The following ACVR1C variants were observed in gnomAD, a reference collection of about 807,000 sequenced individuals.
The protein encoded by ACVR1C is activin receptor type-1C.
Under a neutral mutation model 57.9 loss-of-function variants are expected in ACVR1C, and 23 were observed. That is an observed-to-expected ratio of 0.40 (90% CI 0.29 to 0.56). The LOEUF (loss-of-function observed/expected upper bound fraction) is 0.56. Ranked by LOEUF, ACVR1C falls within the 20% of genes least tolerant of loss-of-function variation. The probability of loss-of-function intolerance (pLI) is 0.50; values close to 1 mark genes in which losing one functional copy is unlikely to be tolerated. For synonymous variants in ACVR1C, 214 were observed against 215.3 expected, an observed-to-expected ratio of 0.99 and a Z score of 0.05; for missense variants, 480 against 607.9, an observed-to-expected ratio of 0.79 and a Z score of 2.21.
chr2:157,596,719 C>T (rs1403725571), intron 1 of ACVR1C, among the ~76,000 whole-genome samples: 1 of 152,146 alleles, frequency 6.6e-6, no homozygotes, highest in Non-Finnish European at 1.5e-5. Context: ...ATATACAAAT[C>T]TCCTTGACAG....
intron 3 of ACVR1C, among the ~76,000 whole-genome samples, chr2:157,554,054 A>G (rs774431691): frequency 2.0e-5 from 3 of 151,138 alleles, no homozygotes; most frequent in Non-Finnish European, 4.4e-5. Flanking sequence ...GTAGTGGGGC[A>G]CACCTGTAAT....
chr2:157,621,712 T>C (rs1177090233), intron 1 of ACVR1C, among the ~76,000 whole-genome samples: 2 of 152,174 alleles, frequency 1.3e-5, no homozygotes, highest in African/African-American at 4.8e-5. Flanking sequence ...CTGGAACTCC[T>C]GCCAGTTTCC....
intron 2 of ACVR1C, among the ~76,000 whole-genome samples, chr2:157,561,481 C>T (rs910388996): frequency 1.3e-5 from 2 of 152,120 alleles, no homozygotes; most frequent in Non-Finnish European, 2.9e-5. Context: ...TCCATCCATC[C>T]CTATAAACCT....
chr2:157,589,890 C>A (rs796891952), intron 1 of ACVR1C, among the ~76,000 whole-genome samples: 21 of 151,896 alleles, frequency 1.4e-4, no homozygotes, highest in African/African-American at 5.1e-4. Context: ...TACTTACAAC[C>A]AACTGATCTC....
intron 3 of ACVR1C, among the ~76,000 whole-genome samples, chr2:157,552,033 A>G (rs1687936253): frequency 6.6e-6 from 1 of 152,238 alleles, no homozygotes; most frequent in Non-Finnish European, 1.5e-5. Context: ...TTATGCTGCT[A>G]GTGAGAGGCA....
intron 7 of ACVR1C, among the ~76,000 whole-genome samples, chr2:157,539,917 T>C (rs188779411): frequency 1.3e-5 from 2 of 152,376 alleles, no homozygotes; most frequent in African/African-American, 4.8e-5. Context: ...CATTCAGACA[T>C]AATTTTAACC....
intron 1 of ACVR1C, among the ~76,000 whole-genome samples, chr2:157,590,781 G>A (rs1406543915): frequency 6.6e-6 from 1 of 151,880 alleles, no homozygotes; most frequent in Non-Finnish European, 1.5e-5. Context: ...TCATATCATG[G>A]GCAAGCATTC....
At chr2:157,609,944 C>T (rs932129467) in intron 1 of ACVR1C, among the ~76,000 whole-genome samples, 1 of 151,914 alleles carries the variant, frequency 6.6e-6, no homozygotes, top group South Asian at 2.1e-4. Flanking sequence ...AGAATTTAAT[C>T]CATTTCTATT....
intron 1 of ACVR1C, among the ~76,000 whole-genome samples, chr2:157,626,542 T>C (rs907212433): frequency 2.6e-5 from 4 of 152,230 alleles, no homozygotes; most frequent in Non-Finnish European, 5.9e-5. Flanking sequence ...CAACTTCTCA[T>C]ATAACATTCC....
chr2:157,558,274 C>A (rs1688150271), intron 2 of ACVR1C, among the ~76,000 whole-genome samples: 1 of 152,176 alleles, frequency 6.6e-6, no homozygotes, highest in African/African-American at 2.4e-5. Flanking sequence ...GACACCAGCA[C>A]CTTAGCATCT....
rs553820067 is a variant in ACVR1C, at chr2:157,564,466, C to T, written c.305-8134G>A. Among the ~76,000 whole-genome samples, 26 of 152,130 alleles carry T rather than the reference C, an allele frequency of 1.7e-4. No individual in the cohort carries two copies. The South Asian group carries it at 2.9e-3, about 17-fold the overall frequency. On this transcript the variant is annotated intron_variant, in intron 2 of 8. Transcript: ENST00000243349. Reference sequence around the variant, plus strand: ...GAAGTCAAGAAACAATAGATGCTGGCGAGACTGTGGAGAAATCGGAACACT... The same window carrying T: ...GAAGTCAAGAAACAATAGATGCTGGTGAGACTGTGGAGAAATCGGAACACT...
chr2:157,527,714 A>G lies in ACVR1C; in HGVS notation c.*6204T>C, dbSNP rs971758824. The stretch of plus-strand genomic sequence containing the variant: ...GCTCAGATACTCTCATTTTGTATAA[A>G]GAGAAAAAAAGGGCTGTGTCCTTAA... On this transcript the variant is annotated 3_prime_UTR_variant, in exon 9 of 9. Transcript: ENST00000243349. 1 of 152,222 alleles carries G rather than the reference A, an allele frequency of 6.6e-6. No individual in the cohort carries two copies. The highest frequency in any genetic ancestry group is 1.5e-5 in the Non-Finnish European group (1 of 68,038). 9.4% of individuals were successfully genotyped at this position (152,222 alleles called of 1,614,324 possible). A position where few individuals can be genotyped will look rare whatever the true frequency, so the allele number is the denominator to read the frequency against.
intron 1 of ACVR1C, among the ~76,000 whole-genome samples, chr2:157,624,978 A>G (rs897655819): frequency 6.6e-6 from 1 of 152,218 alleles, no homozygotes; most frequent in Non-Finnish European, 1.5e-5. Context: ...TCAATCTAAC[A>G]AGGTATTCTC....
intron 1 of ACVR1C, among the ~76,000 whole-genome samples, chr2:157,619,732 G>C (rs889808211): frequency 6.6e-6 from 1 of 151,784 alleles, no homozygotes; most frequent in Non-Finnish European, 1.5e-5. Context: ...TAAAGAAAGC[G>C]GATGAAGAAA....
At position 157,532,977 on chromosome 2, in the gene ACVR1C, C is replaced by G. The variant is rs983564019; in HGVS notation, c.*941G>C. Reference sequence around the variant, plus strand: ...TTCAGAAAACATTAATGCTCATTAACAAATGGGGTAACCATGATATTTCTA... The same window carrying G: ...TTCAGAAAACATTAATGCTCATTAAGAAATGGGGTAACCATGATATTTCTA... On this transcript the variant is annotated 3_prime_UTR_variant, in exon 9 of 9. Transcript: ENST00000243349. The G allele has an allele frequency of 6.6e-6, 1 of 152,126 alleles. No homozygotes were observed. The highest frequency in any genetic ancestry group is 1.5e-5 in the Non-Finnish European group (1 of 68,020). The allele number at this position is 152,126 out of a possible 1,614,324, so 9.4% of individuals were successfully genotyped here. A position where few individuals can be genotyped will look rare whatever the true frequency, so the allele number is the denominator to read the frequency against.
At chr2:157,577,895 T>C (rs1456008331) in intron 2 of ACVR1C, among the ~76,000 whole-genome samples, 1 of 152,100 alleles carries the variant, frequency 6.6e-6, no homozygotes. Context: ...TTGTTTTTGT[T>C]TTGGAAACAG....
chr2:157,580,772 C>T (rs182379621), intron 2 of ACVR1C, among the ~76,000 whole-genome samples: 3 of 151,780 alleles, frequency 2.0e-5, no homozygotes, highest in Non-Finnish European at 4.4e-5. Context: ...CACTGTATCA[C>T]GAGGCTGGGA....
intron 4 of ACVR1C, among the ~76,000 whole-genome samples, chr2:157,549,607 G>C (rs1485181192): frequency 6.6e-6 from 1 of 152,076 alleles, no homozygotes; most frequent in Non-Finnish European, 1.5e-5. Context: ...CATTTGCCCT[G>C]CTTCATTGTA....
At position 157,628,569 on chromosome 2, in the gene ACVR1C, T is replaced by C; in HGVS notation, c.73+3A>G. Reference sequence around the variant, plus strand: ...GGCGTCGGGAGAGAAACCAGCACCGTACCTGGCGAGAGCTCGGCGGCCGCT... The same window carrying C: ...GGCGTCGGGAGAGAAACCAGCACCGCACCTGGCGAGAGCTCGGCGGCCGCT... On this transcript the variant is annotated splice_donor_region_variant and intron_variant, in intron 1 of 8. Coordinates refer to ENST00000243349, the MANE Select transcript of ACVR1C (RefSeq NM_145259.3). The C allele has an allele frequency of 4.4e-6, 7 of 1,607,016 alleles. No individual in the cohort carries two copies. Among genetic ancestry groups the C allele is most frequent in the African/African-American group, 1.3e-5 (1 of 74,880 alleles).
Sources: allele counts gnomAD v4.1 joint callset (sites outside exome capture counted in the v4.1 genomes callset), GRCh38; gene constraint gnomAD v4.1.1; transcripts MANE v1.5; gene names NCBI Gene and HGNC (gene_info 2026-07-23, HGNC 2026-07-21).